Variants in CRYL1 observed in about 807,000 individuals in gnomAD.
CRYL1 encodes crystallin lambda 1, also known as lambda-crystallin homolog.
In CRYL1, 29 loss-of-function variants were observed where a neutral mutation model predicts 36.6. That is an observed-to-expected ratio of 0.79 (90% CI 0.59 to 1.08). CRYL1 has a LOEUF of 1.08. Among genes scored for constraint, CRYL1 ranks in the 50% least tolerant of loss-of-function variants. The pLI is 0.00. For missense variants in CRYL1, 411 were observed against 407.9 expected (o/e 1.01, Z -0.06); for synonymous variants, 152 against 151.5 (o/e 1.00, Z -0.02).
intron 3 of CRYL1, among the ~76,000 whole-genome samples, chr13:20,465,158 G>T (rs2032905627): frequency 6.6e-6 from 1 of 152,194 alleles, no homozygotes; most frequent in Non-Finnish European, 1.5e-5. Flanking sequence ...CAGCTTAAGG[G>T]ATATCAGACT....
At chr13:20,470,246 G>C (rs1490544387) in intron 3 of CRYL1, among the ~76,000 whole-genome samples, 1 of 152,174 alleles carries the variant, frequency 6.6e-6, no homozygotes, top group African/African-American at 2.4e-5. Context: ...CGCGACTCAG[G>C]CCTGGCCCCG....
chr13:20,446,740 A>G (rs901099656), intron 3 of CRYL1, among the ~76,000 whole-genome samples: 3 of 152,170 alleles, frequency 2.0e-5, no homozygotes, highest in South Asian at 2.1e-4. Flanking sequence ...ATCAAGAAGG[A>G]CTGCAATTTT....
chr13:20,507,960 G>A (rs1417197838), intron 2 of CRYL1, among the ~76,000 whole-genome samples: 1 of 151,700 alleles, frequency 6.6e-6, no homozygotes, highest in African/African-American at 2.4e-5. Flanking sequence ...TCCATGCCTG[G>A]CCAGGCACAG....
intron 3 of CRYL1, among the ~76,000 whole-genome samples, chr13:20,451,821 G>A (rs2032576831): frequency 6.6e-6 from 1 of 152,140 alleles, no homozygotes; most frequent in African/African-American, 2.4e-5. Context: ...CAGAAAGACA[G>A]ATGCACTTGC....
At chr13:20,453,976 A>G (rs1480512011) in intron 3 of CRYL1, among the ~76,000 whole-genome samples, 2 of 152,330 alleles carry the variant, frequency 1.3e-5, no homozygotes, top group East Asian at 3.9e-4. Flanking sequence ...AAACCTCATT[A>G]GTCTATTTAT....
intron 7 of CRYL1, 74 bp from the exon 8 acceptor site, chr13:20,404,316 T>C (rs1476022388): frequency 1.9e-6 from 2 of 1,026,142 alleles, no homozygotes; most frequent in Non-Finnish European, 3.0e-6. Flanking sequence ...ATTGCTCTTG[T>C]TTATGCAAAC....
intron 2 of CRYL1, among the ~76,000 whole-genome samples, chr13:20,498,305 C>T (rs1191379282): frequency 6.6e-6 from 1 of 151,898 alleles, no homozygotes; most frequent in African/African-American, 2.4e-5. Flanking sequence ...ACACTACACA[C>T]ACTCCATATA....
chr13:20,465,450 C>T (rs2032913379), intron 3 of CRYL1, among the ~76,000 whole-genome samples: 1 of 152,096 alleles, frequency 6.6e-6, no homozygotes, highest in South Asian at 2.1e-4. Flanking sequence ...GCAAAAAGTT[C>T]CTAGGAGCAC....
At chr13:20,466,682 C>CTGTGTG (rs57209647) in intron 3 of CRYL1, among the ~76,000 whole-genome samples, 9,249 of 129,282 alleles carry the variant, frequency 0.072, 324 homozygotes, top group Middle Eastern at 0.1. Flanking sequence ...TTGGAAAACT[C>CTGTGTG]TGTGTGTGTG....
intron 2 of CRYL1, among the ~76,000 whole-genome samples, chr13:20,504,287 CT>C (rs2033753944): frequency 6.8e-6 from 1 of 146,930 alleles, no homozygotes; most frequent in Non-Finnish European, 1.5e-5. Context: ...TTTCTTTTTT[CT>C]TTTCTTTTCT....
chr13:20,444,542 C>T (rs7997931), intron 3 of CRYL1, among the ~76,000 whole-genome samples: 113,671 of 152,134 alleles, frequency 0.75, 42,832 homozygotes, highest in Admixed American at 0.81. Context: ...ATTATGTGTC[C>T]GTCCCATCCT....
chr13:20,496,489 C>A (rs9509252), intron 2 of CRYL1, among the ~76,000 whole-genome samples: 139,972 of 152,236 alleles, frequency 0.92, 65,572 homozygotes, highest in East Asian at 1. Context: ...AGTATATTCC[C>A]GTTAATTCAT....
chr13:20,460,829 G>A (rs1215043328), intron 3 of CRYL1, among the ~76,000 whole-genome samples: 2 of 152,136 alleles, frequency 1.3e-5, no homozygotes. Flanking sequence ...CCCGCCGGCA[G>A]CTGCTGTTTT....
intron 1 of CRYL1, among the ~76,000 whole-genome samples, chr13:20,514,490 C>A (rs1032569001): frequency 3.3e-5 from 5 of 152,054 alleles, no homozygotes; most frequent in African/African-American, 9.7e-5. Flanking sequence ...GGAAAGTCTG[C>A]GTAACTGTCA....
intron 1 of CRYL1, among the ~76,000 whole-genome samples, chr13:20,518,142 G>A (rs1167638728): frequency 6.6e-6 from 1 of 151,842 alleles, no homozygotes; most frequent in African/African-American, 2.4e-5. Context: ...TAATTAGAAG[G>A]CAACGATGAC....
chr13:20,482,220 C>G (rs1188174624), intron 3 of CRYL1, among the ~76,000 whole-genome samples: 1 of 152,234 alleles, frequency 6.6e-6, no homozygotes, highest in East Asian at 1.9e-4. Flanking sequence ...AGTTGAGATG[C>G]AAATTCTGAT....
chr13:20,446,110 A>T (rs59286782), intron 3 of CRYL1, among the ~76,000 whole-genome samples: 35,385 of 152,010 alleles, frequency 0.23, 4,950 homozygotes, highest in Non-Finnish European at 0.31. Flanking sequence ...TTAATTATTT[A>T]TTTTTTATTT....
intron 2 of CRYL1, among the ~76,000 whole-genome samples, chr13:20,504,963 T>G (rs906103591): frequency 1.3e-5 from 2 of 152,202 alleles, no homozygotes; most frequent in African/African-American, 4.8e-5. Flanking sequence ...TACTATTTAA[T>G]ACCATTAGTT....
chr13:20,435,934 C>T lies in CRYL1; in HGVS notation c.439-3638G>A, dbSNP rs1414410519. Among the ~76,000 whole-genome samples, 1 of 152,170 alleles carries T rather than the reference C, an allele frequency of 6.6e-6. No homozygotes were observed. The highest frequency in any genetic ancestry group is 1.5e-5 in the Non-Finnish European group (1 of 68,004). ...ATGCTTCATGGGTAGCCCATCCTCTCGGCGGCGCGCTCGCAGGGAGGGCTC... is the reference window on the plus strand; with the variant it reads ...ATGCTTCATGGGTAGCCCATCCTCTTGGCGGCGCGCTCGCAGGGAGGGCTC... On this transcript the variant is annotated intron_variant, in intron 4 of 7. Transcript: ENST00000298248. This position sits in a 1 kb window ranked among gnomAD's most constrained non-coding sequence, Gnocchi z 4.0.
Sources: allele counts gnomAD v4.1 joint callset (sites outside exome capture counted in the v4.1 genomes callset), GRCh38; gene constraint gnomAD v4.1.1; non-coding constraint Gnocchi (gnomAD v3.1); transcripts MANE v1.5; gene names NCBI Gene and HGNC (gene_info 2026-07-23, HGNC 2026-07-21).